Variants in ZNF169 observed in about 807,000 individuals in gnomAD.
The protein encoded by ZNF169 is zinc finger protein 169.
ZNF169 carries 11 observed loss-of-function variants against 12.0 expected under a neutral mutation model. The ratio of observed to expected loss-of-function variants is 0.92; its 90% CI spans 0.58 to 1.52. ZNF169 has a LOEUF of 1.52. Ranked by LOEUF, ZNF169 falls within the 40% of genes most tolerant of loss-of-function variation. ZNF169 has a pLI of 0.00. For synonymous variants in ZNF169, 302 were observed against 286.5 expected (o/e 1.05, Z -0.55); for missense variants, 722 against 744.0 (o/e 0.97, Z 0.34).
chr9:94,270,739 AATG>A (rs369404052), intron 1 of ZNF169, among the ~76,000 whole-genome samples: 6 of 12,002 alleles, frequency 5.0e-4, no homozygotes, highest in South Asian at 3.0e-3. Flanking sequence ...TTATATAATT[AATG>A]TATTTATATA....
rs34734711 is a variant in ZNF169, at chr9:94,267,862, CTTTTTTTTT to C, written c.-56+8529_-56+8537del. On this transcript the variant is annotated intron_variant, in intron 1 of 4. Coordinates refer to ENST00000395395, the MANE Select transcript of ZNF169 (RefSeq NM_194320.4). ...TTACAGCTGATTATAAAACTGCCTT[CTTTTTTTTT>C]TTTTTTTTTTTGAGACAGAGTTTTG... 2.0e-4 allele frequency among the ~76,000 whole-genome samples: 23 copies of C among 114,104 alleles called. 1 individual carries two copies. Among genetic ancestry groups the C allele is most frequent in the South Asian group, 9.0e-4 (3 of 3,316 alleles). 74.9% of individuals were successfully genotyped at this position (114,104 alleles called of 152,430 possible). A position where few individuals can be genotyped will look rare whatever the true frequency, so the allele number is the denominator to read the frequency against.
intron 1 of ZNF169, among the ~76,000 whole-genome samples, chr9:94,266,409 G>A (rs745542964): frequency 3.3e-5 from 5 of 152,164 alleles, no homozygotes; most frequent in Non-Finnish European, 5.9e-5. Flanking sequence ...AGCATCGAAC[G>A]CAGCGCTGGA....
intron 2 of ZNF169, among the ~76,000 whole-genome samples, chr9:94,282,327 C>T (rs1219893010): frequency 6.6e-6 from 1 of 152,130 alleles, no homozygotes; most frequent in Non-Finnish European, 1.5e-5. Flanking sequence ...ACAACATGTG[C>T]CCGAGGCAGT....
At chr9:94,261,882 A>C (rs944710562) in intron 1 of ZNF169, among the ~76,000 whole-genome samples, 1 of 152,258 alleles carries the variant, frequency 6.6e-6, no homozygotes, top group African/African-American at 2.4e-5. Context: ...TTCAGTATGC[A>C]TCTCTCATAA....
intron 2 of ZNF169, among the ~76,000 whole-genome samples, chr9:94,285,390 C>G (rs1032476013): frequency 2.6e-5 from 4 of 151,892 alleles, no homozygotes; most frequent in Non-Finnish European, 4.4e-5. Context: ...ATGAATAGAG[C>G]CTCAAGAATT....
At chr9:94,299,616 G>A (rs541024579) in intron 4 of ZNF169, 199 bp from the exon 5 acceptor site, 12 of 1,386,638 alleles carry the variant, frequency 8.7e-6, no homozygotes, top group Non-Finnish European at 1.1e-5. Flanking sequence ...AGCTGCCTGT[G>A]ATGCTTTTTT....
In ZNF169 at chr9:94,300,946, G is replaced by C; in HGVS notation, c.1388G>C (p.Cys463Ser). The stretch of plus-strand genomic sequence containing the variant: ...GAGAAGCCCTACCTGTGCCCTGATT[G>C]TGGGCGTGGCTTTGGTCAGAAGGTC... ...TGEKPYLCPDCGRGFGQKVTL... is the reference protein window; with the variant it reads ...TGEKPYLCPDSGRGFGQKVTL... The change falls in exon 5 of 5, where the codon TGT becomes TCT. Residue 463 changes from cysteine (C) to serine (S), a missense_variant. Physicochemically the swap from Cys to Ser is moderately radical, Grantham distance 112 (BLOSUM62 -1). Coordinates refer to ENST00000395395, the MANE Select transcript of ZNF169 (RefSeq NM_194320.4). The C allele has an allele frequency of 6.2e-7, 1 of 1,613,984 alleles. No homozygotes were observed. The highest frequency in any genetic ancestry group is 8.5e-7 in the Non-Finnish European group (1 of 1,179,948).
chr9:94,298,792 G>A (rs954032103), intron 4 of ZNF169, among the ~76,000 whole-genome samples: 2 of 151,030 alleles, frequency 1.3e-5, no homozygotes, highest in African/African-American at 4.9e-5. Flanking sequence ...ATCAACTTAC[G>A]GAAGCTGAAA....
At chr9:94,292,691 G>A in intron 3 of ZNF169, 2 of 674,710 alleles carry the variant, frequency 3.0e-6, no homozygotes, top group Non-Finnish European at 4.9e-6. Context: ...GCATTTTTCA[G>A]GCCTGTTTAC....
intron 2 of ZNF169, among the ~76,000 whole-genome samples, chr9:94,287,414 G>A (rs1427882808): frequency 1.3e-5 from 2 of 152,184 alleles, no homozygotes; most frequent in Non-Finnish European, 2.9e-5. Context: ...CACCCAGGCT[G>A]GAGTGCAGTG....
In ZNF169 at chr9:94,300,189, G is replaced by C. The variant is rs1372937502; in HGVS notation, c.631G>C (p.Ala211Pro). The change falls in exon 5 of 5, where the codon GCA (alanine) becomes CCA (proline). Residue 211 changes from alanine to proline, a missense_variant. Coordinates refer to ENST00000395395, the MANE Select transcript of ZNF169 (RefSeq NM_194320.4). ...LKGADTSESG[A>P]VIRGNYRLGL... ...GGGAGCAGACACTTCAGAATCTGGAGCAGTCATACGTGGAAACTATAGACT... is the reference window on the plus strand; with the variant it reads ...GGGAGCAGACACTTCAGAATCTGGACCAGTCATACGTGGAAACTATAGACT... 2.5e-6 allele frequency: 4 copies of C among 1,614,184 alleles called. No individual in the cohort carries two copies. Among genetic ancestry groups the C allele is most frequent in the East Asian group, 4.5e-5 (2 of 44,882 alleles).
At chr9:94,277,524 C>A (rs1181058474) in intron 1 of ZNF169, among the ~76,000 whole-genome samples, 1 of 152,056 alleles carries the variant, frequency 6.6e-6, no homozygotes, top group African/African-American at 2.4e-5. Context: ...ATGCCAGAGT[C>A]AGATTGGAAA....
intron 1 of ZNF169, among the ~76,000 whole-genome samples, chr9:94,260,197 C>A (rs1384436012): frequency 1.3e-5 from 2 of 152,174 alleles, no homozygotes; most frequent in African/African-American, 4.8e-5. Context: ...GGACTACAGG[C>A]GCACGCCACC....
At chr9:94,281,149 T>C (rs1413081872) in intron 2 of ZNF169, among the ~76,000 whole-genome samples, 1 of 152,210 alleles carries the variant, frequency 6.6e-6, no homozygotes, top group Non-Finnish European at 1.5e-5. Flanking sequence ...TCTAGAATAG[T>C]GTCTCTTAGT....
At chr9:94,278,555 A>G (rs1043899516) in intron 1 of ZNF169, among the ~76,000 whole-genome samples, 3 of 152,128 alleles carry the variant, frequency 2.0e-5, no homozygotes, top group Admixed American at 2.0e-4. Flanking sequence ...CCCTAACTAG[A>G]GTTTGGATGT....
intron 2 of ZNF169, chr9:94,288,661 A>G: frequency 2.7e-6 from 1 of 363,920 alleles, no homozygotes; most frequent in Non-Finnish European, 5.3e-6. Flanking sequence ...ACGAGATCTG[A>G]TAGTTTAAAA....
intron 2 of ZNF169, chr9:94,287,918 T>C: frequency 2.1e-6 from 2 of 933,478 alleles, no homozygotes; most frequent in Non-Finnish European, 1.8e-6. Context: ...TGTTTCCTGC[T>C]GTCCAGGCGA....
intron 2 of ZNF169, among the ~76,000 whole-genome samples, chr9:94,279,933 A>T (rs963438617): frequency 1.3e-5 from 2 of 152,228 alleles, no homozygotes; most frequent in Non-Finnish European, 2.9e-5. Flanking sequence ...ATTCTCCACC[A>T]GCTAGGCAGC....
chr9:94,268,449 T>G (rs1830330706), intron 1 of ZNF169, among the ~76,000 whole-genome samples: 1 of 152,188 alleles, frequency 6.6e-6, no homozygotes, highest in Non-Finnish European at 1.5e-5. Flanking sequence ...GTGCTTTCTG[T>G]ATAATTTTTA....
Sources: gnomAD v4.1 joint callset for allele counts (sites outside exome capture counted in the v4.1 genomes callset) on GRCh38, gnomAD v4.1.1 for gene constraint, MANE v1.5 for transcripts, NCBI Gene and HGNC (gene_info 2026-07-23, HGNC 2026-07-21) for gene names.